Variants in SNTG2 observed in about 807,000 individuals in gnomAD.
SNTG2 encodes syntrophin gamma 2.
Under a neutral mutation model 70.9 loss-of-function variants are expected in SNTG2, and 74 were observed. That is an observed-to-expected ratio of 1.04 (90% confidence interval 0.86 to 1.27). The LOEUF (loss-of-function observed/expected upper bound fraction) is 1.27. Among genes scored for constraint, SNTG2 ranks in the 50% most tolerant of loss-of-function variants. The pLI is 0.00. For missense variants in SNTG2, 717 were observed against 690.7 expected (o/e 1.04, Z -0.43); for synonymous variants, 278 against 273.8 (o/e 1.02, Z -0.15).
intron 6 of SNTG2, among the ~76,000 whole-genome samples, chr2:1,138,951 G>A (rs1314796270): frequency 1.3e-5 from 2 of 152,118 alleles, no homozygotes; most frequent in East Asian, 1.9e-4. Flanking sequence ...CTTCCTACAC[G>A]CTCACTCAGA....
intron 8 of SNTG2, among the ~76,000 whole-genome samples, chr2:1,196,912 C>A (rs191145477): frequency 2.0e-5 from 3 of 152,232 alleles, no homozygotes. Context: ...AGGACCACAT[C>A]TACCATCATG....
intron 2 of SNTG2, among the ~76,000 whole-genome samples, chr2:1,096,422 G>C (rs144474117): frequency 1.3e-5 from 2 of 152,216 alleles, no homozygotes; most frequent in East Asian, 1.9e-4. Context: ...CTTTCCATTA[G>C]AGCCACAGAA....
intron 1 of SNTG2, among the ~76,000 whole-genome samples, chr2:1,035,920 AATG>A (rs1558329764): frequency 6.6e-6 from 1 of 152,212 alleles, no homozygotes; most frequent in Non-Finnish European, 1.5e-5. Flanking sequence ...GTCCGCCAAT[AATG>A]ATAATTATTT....
chr2:1,138,650 G>A (rs1387037293), intron 6 of SNTG2, among the ~76,000 whole-genome samples: 7 of 152,250 alleles, frequency 4.6e-5, no homozygotes, highest in South Asian at 2.1e-4. Flanking sequence ...CAGTGGAGCC[G>A]AGTCCAGGAC....
chr2:1,042,326 A>G (rs1410318379), intron 1 of SNTG2, among the ~76,000 whole-genome samples: 1 of 152,084 alleles, frequency 6.6e-6, no homozygotes, highest in African/African-American at 2.4e-5. Flanking sequence ...TTATTCACAA[A>G]TATTTCTCAA....
At chr2:1,000,107 C>G (rs1216498686) in intron 1 of SNTG2, among the ~76,000 whole-genome samples, 8 of 151,674 alleles carry the variant, frequency 5.3e-5, no homozygotes, top group African/African-American at 1.4e-4. Context: ...CTACAACATA[C>G]CAAAATATCT....
At chr2:1,101,293 C>T (rs1472978295) in intron 4 of SNTG2, among the ~76,000 whole-genome samples, 1 of 152,216 alleles carries the variant, frequency 6.6e-6, no homozygotes, top group East Asian at 1.9e-4. Context: ...CCCACGACCT[C>T]AGCAGGCACT....
intron 8 of SNTG2, among the ~76,000 whole-genome samples, chr2:1,191,102 G>GCCC (rs974957289): frequency 6.6e-6 from 1 of 152,228 alleles, no homozygotes; most frequent in East Asian, 1.9e-4. Context: ...GAAAATGAGG[G>GCCC]CTTCAGGGCC....
At chr2:1,333,323 A>G (rs1291016352) in intron 16 of SNTG2, among the ~76,000 whole-genome samples, 1 of 152,208 alleles carries the variant, frequency 6.6e-6, no homozygotes, top group African/African-American at 2.4e-5. Context: ...ATGGAAACAC[A>G]TCTCATGGTT....
chr2:1,256,909 C>G (rs1001224533), intron 12 of SNTG2, among the ~76,000 whole-genome samples: 5 of 151,832 alleles, frequency 3.3e-5, no homozygotes, highest in Non-Finnish European at 7.4e-5. Flanking sequence ...AGTCCTTAAG[C>G]CATGCGGTTC....
intron 16 of SNTG2, among the ~76,000 whole-genome samples, chr2:1,349,282 C>G (rs1424117400): frequency 6.6e-6 from 1 of 152,200 alleles, no homozygotes; most frequent in Non-Finnish European, 1.5e-5. Context: ...AAACACCAGT[C>G]TTAGTCTTTA....
Position 1,097,787 on chromosome 2 carries a change from C to CG in SNTG2, c.211-408dup, listed in dbSNP as rs911082723. On this transcript the variant is annotated intron_variant, in intron 2 of 16. Transcript: ENST00000308624. This position sits in a 1 kb window ranked among gnomAD's most constrained non-coding sequence, Gnocchi z 4.1. ...ACTTCAGCAGAGACGTACAGTGAAG[C>CG]GTGAGCCGGTCCTGGGGTTGGTGGG... Among the ~76,000 whole-genome samples, 11 of 151,948 alleles carry CG rather than the reference C, an allele frequency of 7.2e-5. No homozygotes were observed. Among genetic ancestry groups the CG allele is most frequent in the African/African-American group, 2.7e-4 (11 of 41,366 alleles).
At chr2:1,334,467 T>C (rs1180775142) in intron 16 of SNTG2, among the ~76,000 whole-genome samples, 21 of 151,940 alleles carry the variant, frequency 1.4e-4, no homozygotes, top group Admixed American at 6.6e-5. Flanking sequence ...GAAAAAAAAG[T>C]CATATGAAAA....
intron 4 of SNTG2, among the ~76,000 whole-genome samples, chr2:1,114,917 G>A (rs1666835611): frequency 6.6e-6 from 1 of 152,060 alleles, no homozygotes; most frequent in African/African-American, 2.4e-5. Flanking sequence ...CCTTTGAGGA[G>A]GGTCTTGTGT....
Position 1,181,819 on chromosome 2 carries a change from G to A in SNTG2, c.591+8636G>A, listed in dbSNP as rs969293805. Among the ~76,000 whole-genome samples, 3 of 152,142 alleles carry A rather than the reference G, an allele frequency of 2.0e-5. No homozygotes were observed. In the South Asian group the frequency reaches 6.2e-4, roughly 32 times the overall value. ...TGCCACATATCCTTTCCCAGCACCT[G>A]AGTATGGTTCACGTAGTTTAAGATT... On this transcript the variant is annotated intron_variant, in intron 8 of 16. Coordinates refer to ENST00000308624, the MANE Select transcript of SNTG2 (RefSeq NM_018968.4).
chr2:1,307,687 GT>G (rs1389446335), intron 14 of SNTG2, among the ~76,000 whole-genome samples: 1 of 152,216 alleles, frequency 6.6e-6, no homozygotes, highest in Non-Finnish European at 1.5e-5. Flanking sequence ...CTTTTACCAA[GT>G]TATTAGGGTC....
chr2:1,034,063 G>T (rs1324624933), intron 1 of SNTG2, among the ~76,000 whole-genome samples: 1 of 151,454 alleles, frequency 6.6e-6, no homozygotes, highest in Non-Finnish European at 1.5e-5. Context: ...CGGGTTTGTT[G>T]TACAGGTTTT....
intron 1 of SNTG2, among the ~76,000 whole-genome samples, chr2:960,236 A>G (rs1033071540): frequency 6.6e-6 from 1 of 152,102 alleles, no homozygotes. Context: ...CTAGGGTGAC[A>G]GTGTTGCTTA....
chr2:1,099,222 C>T (rs1300723192), intron 4 of SNTG2, among the ~76,000 whole-genome samples: 10 of 152,136 alleles, frequency 6.6e-5, no homozygotes, highest in Non-Finnish European at 1.0e-4. Context: ...CCTGGACATG[C>T]GGTCCGTGTC....
Sources: gnomAD v4.1 joint callset for allele counts (sites outside exome capture counted in the v4.1 genomes callset) on GRCh38, gnomAD v4.1.1 for gene constraint, Gnocchi (gnomAD v3.1) non-coding constraint, MANE v1.5 for transcripts, NCBI Gene and HGNC (gene_info 2026-07-23, HGNC 2026-07-21) for gene names.